ZFAND3: variants seen among roughly 807,000 people sequenced by gnomAD.
ZFAND3 encodes AN1-type zinc finger protein 3.
ZFAND3 carries 10 observed loss-of-function variants against 29.6 expected under a neutral mutation model. The observed-to-expected ratio is 0.34, with a 90% confidence interval of 0.21 to 0.57. The LOEUF (loss-of-function observed/expected upper bound fraction) is 0.57. Among genes scored for constraint, ZFAND3 ranks in the 20% least tolerant of loss-of-function variants. The pLI is 0.86. For missense variants in ZFAND3, 230 were observed against 304.5 expected (o/e 0.76, Z 1.82); for synonymous variants, 128 against 112.6 (o/e 1.14, Z -0.87).
At chr6:37,995,644 A>G (rs1228932782) in intron 2 of ZFAND3, among the ~76,000 whole-genome samples, 3 of 152,218 alleles carry the variant, frequency 2.0e-5, no homozygotes, top group Admixed American at 6.5e-5. Flanking sequence ...GAGGGGAAAT[A>G]CAAAGATGAG....
chr6:38,145,964 T>C (rs1478068189), intron 5 of ZFAND3, among the ~76,000 whole-genome samples: 5 of 152,344 alleles, frequency 3.3e-5, no homozygotes, highest in Non-Finnish European at 7.4e-5. Context: ...AACAGAGTTT[T>C]AGATAGGTCT....
chr6:37,909,671 C>G (rs1426127112), intron 1 of ZFAND3, among the ~76,000 whole-genome samples: 2 of 142,148 alleles, frequency 1.4e-5, no homozygotes, highest in Non-Finnish European at 3.1e-5. Flanking sequence ...GTGGAGTTTC[C>G]TGTTTTGTCC....
At chr6:37,896,578 C>CTTTCTCTCTT (rs772841805) in intron 1 of ZFAND3, among the ~76,000 whole-genome samples, 2 of 76,112 alleles carry the variant, frequency 2.6e-5, no homozygotes, top group African/African-American at 6.2e-5. Flanking sequence ...TTCTCTCTTT[C>CTTTCTCTCTT]TCTCTCTTTC....
At chr6:37,888,388 C>T (rs1765033114) in intron 1 of ZFAND3, among the ~76,000 whole-genome samples, 1 of 151,910 alleles carries the variant, frequency 6.6e-6, no homozygotes, top group African/African-American at 2.4e-5. Flanking sequence ...AGAGAATTAA[C>T]ATCTGAAATG....
At chr6:37,885,284 T>G (rs1477925455) in intron 1 of ZFAND3, among the ~76,000 whole-genome samples, 1 of 152,136 alleles carries the variant, frequency 6.6e-6, no homozygotes, top group East Asian at 1.9e-4. Flanking sequence ...TTCCAGAGAT[T>G]TGGAGTCACA....
At chr6:37,873,109 ACCC>A (rs767976912) in intron 1 of ZFAND3, among the ~76,000 whole-genome samples, 1 of 151,252 alleles carries the variant, frequency 6.6e-6, no homozygotes, top group Non-Finnish European at 1.5e-5. Context: ...AACAAAAAAA[ACCC>A]CCCAAAAAAT....
At chr6:37,997,534 A>G (rs1259176608) in intron 2 of ZFAND3, among the ~76,000 whole-genome samples, 2 of 152,220 alleles carry the variant, frequency 1.3e-5, no homozygotes, top group Admixed American at 1.3e-4. Context: ...TCATATCACT[A>G]GAGAGCCCCA....
chr6:38,116,769 G>C, intron 5 of ZFAND3, 30 bp downstream of exon 5: 1 of 1,604,034 alleles, frequency 6.2e-7, no homozygotes, highest in Middle Eastern at 1.8e-4. Context: ...GCGTGATGGA[G>C]ACTATATCCT....
At chr6:38,040,121 CT>C (rs1763731654) in intron 2 of ZFAND3, among the ~76,000 whole-genome samples, 1 of 152,064 alleles carries the variant, frequency 6.6e-6, no homozygotes, top group African/African-American at 2.4e-5. Context: ...CCTGCATTTT[CT>C]ACTTTTTTTC....
At chr6:37,943,741 A>T (rs1281084027) in intron 2 of ZFAND3, among the ~76,000 whole-genome samples, 1 of 152,190 alleles carries the variant, frequency 6.6e-6, no homozygotes, top group African/African-American at 2.4e-5. Context: ...ATCATAGAAT[A>T]TTTGAGTGGA....
intron 1 of ZFAND3, among the ~76,000 whole-genome samples, chr6:37,840,911 A>G (rs866672369): frequency 5.3e-5 from 8 of 152,242 alleles, no homozygotes; most frequent in African/African-American, 1.4e-4. Context: ...GATAACAGGA[A>G]GATTAATTAT....
intron 2 of ZFAND3, among the ~76,000 whole-genome samples, chr6:37,996,959 A>G (rs1215408595): frequency 2.0e-5 from 3 of 152,168 alleles, no homozygotes; most frequent in Non-Finnish European, 2.9e-5. Flanking sequence ...CATTTTCTGC[A>G]TAGCATATTT....
At chr6:37,989,949 A>G (rs1762731312) in intron 2 of ZFAND3, among the ~76,000 whole-genome samples, 1 of 152,186 alleles carries the variant, frequency 6.6e-6, no homozygotes, top group Admixed American at 6.5e-5. Context: ...TTTCTCGAAG[A>G]GTTTCAAGAA....
chr6:37,861,135 T>A (rs538160325), intron 1 of ZFAND3, among the ~76,000 whole-genome samples: 1 of 152,136 alleles, frequency 6.6e-6, no homozygotes, highest in African/African-American at 2.4e-5. Flanking sequence ...CACACTCTTA[T>A]AATCTAAGCT....
intron 2 of ZFAND3, among the ~76,000 whole-genome samples, chr6:38,060,898 G>A (rs1396521407): frequency 6.6e-6 from 1 of 152,030 alleles, no homozygotes; most frequent in African/African-American, 2.4e-5. Flanking sequence ...ATCGTATATG[G>A]AAAGTAGGCC....
chr6:38,027,152 A>G (rs191890838), intron 2 of ZFAND3, among the ~76,000 whole-genome samples: 207 of 152,362 alleles, frequency 1.4e-3, no homozygotes, highest in African/African-American at 4.7e-3. Flanking sequence ...TCTTGGGGTT[A>G]CAAACATGTT....
intron 4 of ZFAND3, among the ~76,000 whole-genome samples, chr6:38,083,061 CCTT>C (rs1335383575): frequency 1.3e-5 from 2 of 152,086 alleles, no homozygotes; most frequent in African/African-American, 4.8e-5. Flanking sequence ...GCGATATTTG[CCTT>C]TTCTAATAAT....
intron 5 of ZFAND3, among the ~76,000 whole-genome samples, chr6:38,120,485 C>G (rs1765513141): frequency 6.6e-6 from 1 of 151,866 alleles, no homozygotes; most frequent in Non-Finnish European, 1.5e-5. Flanking sequence ...ACCTCCACGC[C>G]TGGCTAATTT....
At position 38,061,020 on chromosome 6, in the gene ZFAND3, A is replaced by T. The variant is rs1230470441; in HGVS notation, c.113-573A>T. ...CGGTTCAAACCCATGATGTTCAAGGATTAACTATACTTTAACATTTTGTTT... is the reference window on the plus strand; with the variant it reads ...CGGTTCAAACCCATGATGTTCAAGGTTTAACTATACTTTAACATTTTGTTT... On this transcript the variant is annotated intron_variant, in intron 2 of 5. Coordinates refer to ENST00000287218, the MANE Select transcript of ZFAND3 (RefSeq NM_021943.3). Among the ~76,000 whole-genome samples the T allele has an allele frequency of 2.0e-5, 3 of 152,230 alleles. No homozygotes were observed. In the East Asian group the frequency reaches 5.8e-4, roughly 29 times the overall value.
Sources: gnomAD v4.1 joint callset for allele counts (sites outside exome capture counted in the v4.1 genomes callset) on GRCh38, gnomAD v4.1.1 for gene constraint, MANE v1.5 for transcripts, NCBI Gene and HGNC (gene_info 2026-07-23, HGNC 2026-07-21) for gene names.